The following RAP1GAP2 variants were observed in gnomAD, a reference collection of about 807,000 sequenced individuals.
The protein encoded by RAP1GAP2 is RAP1 GTPase activating protein 2.
Under a neutral mutation model 95.0 loss-of-function variants are expected in RAP1GAP2, and 27 were observed. The ratio of observed to expected loss-of-function variants is 0.28; its 90% CI spans 0.21 to 0.39. The LOEUF (loss-of-function observed/expected upper bound fraction) is 0.39. Among genes scored for constraint, RAP1GAP2 ranks in the 10% least tolerant of loss-of-function variants. RAP1GAP2 has a pLI of 1.00. For missense variants in RAP1GAP2, 771 were observed against 970.0 expected, an observed-to-expected ratio of 0.79 and a Z score of 2.72; for synonymous variants, 373 against 380.9, an observed-to-expected ratio of 0.98 and a Z score of 0.24.
Position 3,029,124 on chromosome 17 carries a change from T to C in RAP1GAP2, c.2108-1798T>C, listed in dbSNP as rs1040472594. 4.6e-5 allele frequency among the ~76,000 whole-genome samples: 7 copies of C among 152,152 alleles called. No homozygotes were observed. The highest frequency in any genetic ancestry group is 1.0e-4 in the Non-Finnish European group (7 of 68,036). On this transcript the variant is annotated intron_variant, in intron 22 of 24. Transcript: ENST00000254695. The surrounding 1 kb of genome is among the most constrained non-coding windows in gnomAD (Gnocchi z 4.4). ...GGTGTTTTTGTTTTGTTTTGTTTTG[T>C]TTTCTAAATAAGACTTAAATATTGA...
Position 2,865,299 on chromosome 17 carries a change from G to C in RAP1GAP2, c.81-39985G>C, listed in dbSNP as rs563433610. 2.6e-5 allele frequency among the ~76,000 whole-genome samples: 4 copies of C among 152,230 alleles called. No individual in the cohort carries two copies. In the South Asian group the frequency reaches 8.3e-4, roughly 32 times the overall value. On this transcript the variant is annotated intron_variant, in intron 2 of 24. Coordinates refer to ENST00000254695, the MANE Select transcript of RAP1GAP2 (RefSeq NM_015085.5). ...AGGAGTTAAGAACTCTGGCACCCTA[G>C]AACATTCTGGTTGTTTTTAAAGGAA...
intron 2 of RAP1GAP2, among the ~76,000 whole-genome samples, chr17:2,894,263 CTA>C (rs2073815244): frequency 6.6e-6 from 1 of 152,170 alleles, no homozygotes; most frequent in Admixed American, 6.5e-5. Flanking sequence ...AACCCCATCT[CTA>C]CTAAAAATAC....
chr17:2,990,703 A>G (rs1344409744), intron 11 of RAP1GAP2, among the ~76,000 whole-genome samples: 3 of 152,056 alleles, frequency 2.0e-5, no homozygotes, highest in Non-Finnish European at 4.4e-5. Context: ...GCAGCGTGTG[A>G]TGGTTCTGAT....
chr17:2,813,542 C>T (rs780544823), intron 2 of RAP1GAP2, among the ~76,000 whole-genome samples: 2 of 152,188 alleles, frequency 1.3e-5, no homozygotes, highest in Non-Finnish European at 2.9e-5. Flanking sequence ...GCCAGGGCTT[C>T]TGGTAACATT....
At chr17:2,893,071 A>G (rs1046325095) in intron 2 of RAP1GAP2, among the ~76,000 whole-genome samples, 4 of 151,390 alleles carry the variant, frequency 2.6e-5, no homozygotes, top group Non-Finnish European at 4.4e-5. Flanking sequence ...CTTGTTGCAC[A>G]GGCTGGAGTG....
At chr17:2,884,852 C>G (rs1409973638) in intron 2 of RAP1GAP2, among the ~76,000 whole-genome samples, 1 of 152,130 alleles carries the variant, frequency 6.6e-6, no homozygotes, top group Non-Finnish European at 1.5e-5. Context: ...ATACGCGTCA[C>G]AGCAAATTAT....
At chr17:2,917,356 T>C (rs1278754435) in intron 3 of RAP1GAP2, among the ~76,000 whole-genome samples, 1 of 151,788 alleles carries the variant, frequency 6.6e-6, no homozygotes, top group East Asian at 2.0e-4. Flanking sequence ...CTGCAACCTC[T>C]GCCTCCCGGG....
At chr17:2,788,518 G>A (rs112408457) in intron 1 of RAP1GAP2, among the ~76,000 whole-genome samples, 3,230 of 152,052 alleles carry the variant, frequency 0.021, 119 homozygotes, top group African/African-American at 0.074. Flanking sequence ...CACTGGTCTC[G>A]AACTCCTGAC....
chr17:2,927,555 AG>A (rs754735504), intron 3 of RAP1GAP2, among the ~76,000 whole-genome samples: 16 of 152,234 alleles, frequency 1.1e-4, no homozygotes, highest in Non-Finnish European at 1.6e-4. Flanking sequence ...TGGGTCATCC[AG>A]GCCCCTCTTC....
In RAP1GAP2 at chr17:2,930,619, C is replaced by T. The variant is rs116968348; in HGVS notation, c.165+25251C>T. Among the ~76,000 whole-genome samples the T allele has an allele frequency of 3.8e-3, 581 of 152,330 alleles. 1 individual carries two copies. The highest frequency in any genetic ancestry group is 6.8e-3 in the Non-Finnish European group (465 of 68,036). Reference sequence around the variant, plus strand: ...AGGTGGGAATGCCGCTTCAAACACACGCACAGAGGCATCGCTCTCTTTTGG... The same window carrying T: ...AGGTGGGAATGCCGCTTCAAACACATGCACAGAGGCATCGCTCTCTTTTGG... On this transcript the variant is annotated intron_variant, in intron 3 of 24. Coordinates refer to ENST00000254695, the MANE Select transcript of RAP1GAP2 (RefSeq NM_015085.5).
At position 2,855,152 on chromosome 17, in the gene RAP1GAP2, G is replaced by A. The variant is rs1240880684; in HGVS notation, c.81-50132G>A. Among the ~76,000 whole-genome samples, 1 of 152,142 alleles carries A rather than the reference G, an allele frequency of 6.6e-6. No individual in the cohort carries two copies. The highest frequency in any genetic ancestry group is 6.6e-5 in the Admixed American group (1 of 15,264). ...GCTGGCATGGATTGCCCTTGTGGTG[G>A]GTTGTCCCCCATTCCTCTCGTCCCC... On this transcript the variant is annotated intron_variant, in intron 2 of 24. Coordinates refer to ENST00000254695, the MANE Select transcript of RAP1GAP2 (RefSeq NM_015085.5). The surrounding 1 kb of genome is among the most constrained non-coding windows in gnomAD (Gnocchi z 4.3).
At chr17:2,934,985 G>T (rs973719730) in intron 3 of RAP1GAP2, among the ~76,000 whole-genome samples, 2 of 152,186 alleles carry the variant, frequency 1.3e-5, no homozygotes, top group Non-Finnish European at 2.9e-5. Context: ...GGGAAGACGG[G>T]TGGGATTTGG....
At chr17:2,990,360 G>A (rs1597809814) in intron 11 of RAP1GAP2, among the ~76,000 whole-genome samples, 1 of 152,278 alleles carries the variant, frequency 6.6e-6, no homozygotes, top group South Asian at 2.1e-4. Context: ...TTTGGCACAT[G>A]CCCGGGAGCA....
chr17:2,969,496 C>CTTTTTTTT lies in RAP1GAP2; in HGVS notation c.596+3869_596+3876dup, dbSNP rs34468461. 9.4e-4 allele frequency among the ~76,000 whole-genome samples: 79 copies of CTTTTTTTT among 83,780 alleles called. 2 individuals carry two copies. The highest frequency in any genetic ancestry group is 1.4e-3 in the African/African-American group (31 of 21,966). 55.0% of individuals were successfully genotyped at this position (83,780 alleles called of 152,430 possible). A position where few individuals can be genotyped will look rare whatever the true frequency, so the allele number is the denominator to read the frequency against. On this transcript the variant is annotated intron_variant, in intron 8 of 24. Transcript: ENST00000254695. ...GTAAAGATGTGTAAATATATATATT[C>CTTTTTTTT]TTTTTTTTTTTTTTTTTTTTTTTGA...
intron 3 of RAP1GAP2, among the ~76,000 whole-genome samples, chr17:2,950,978 A>G (rs1484366052): frequency 1.3e-5 from 2 of 152,248 alleles, no homozygotes; most frequent in Admixed American, 6.5e-5. Context: ...CATGCAACAC[A>G]GCTGGGCAGT....
chr17:2,849,074 T>G (rs1262442187), intron 2 of RAP1GAP2, among the ~76,000 whole-genome samples: 2 of 152,088 alleles, frequency 1.3e-5, no homozygotes, highest in African/African-American at 4.8e-5. Flanking sequence ...GGTGTGTGTA[T>G]GTGTGTACCC....
chr17:2,853,687 G>C (rs1424799325), intron 2 of RAP1GAP2, among the ~76,000 whole-genome samples: 2 of 147,484 alleles, frequency 1.4e-5, no homozygotes, highest in African/African-American at 4.9e-5. Context: ...TCCCGGCGCG[G>C]GCGGCGCGTC....
chr17:2,816,273 C>T (rs1191242797), intron 2 of RAP1GAP2, among the ~76,000 whole-genome samples: 1 of 151,032 alleles, frequency 6.6e-6, no homozygotes, highest in South Asian at 2.1e-4. Flanking sequence ...ATGCAAACCT[C>T]TGAGTACTCA....
At position 2,932,893 on chromosome 17, in the gene RAP1GAP2, G is replaced by A. The variant is rs114776111; in HGVS notation, c.166-24866G>A. On this transcript the variant is annotated intron_variant, in intron 3 of 24. Transcript: ENST00000254695. ...GGGTTCCATGTCTGGTCTGTGATGT[G>A]TTCCCTCTGGATGGGCAAACCCAGA... Among the ~76,000 whole-genome samples, 685 of 150,348 alleles carry A rather than the reference G, an allele frequency of 4.6e-3. 4 individuals carry two copies. The highest frequency in any genetic ancestry group is 0.016 in the African/African-American group (657 of 41,088).
Sources: gnomAD v4.1 joint callset for allele counts (sites outside exome capture counted in the v4.1 genomes callset) on GRCh38, gnomAD v4.1.1 for gene constraint, Gnocchi (gnomAD v3.1) non-coding constraint, MANE v1.5 for transcripts, NCBI Gene and HGNC (gene_info 2026-07-23, HGNC 2026-07-21) for gene names.